Variants in CERKL observed in about 807,000 individuals in gnomAD.
CERKL encodes CERK like autophagy regulator.
In CERKL, 61 loss-of-function variants were observed where a neutral mutation model predicts 63.4. That is an observed-to-expected ratio of 0.96 (90% CI 0.78 to 1.19). The LOEUF (loss-of-function observed/expected upper bound fraction) is 1.19. Among genes scored for constraint, CERKL ranks in the 50% most tolerant of loss-of-function variants. CERKL has a pLI of 0.00. For missense variants in CERKL, 675 were observed against 655.5 expected, an observed-to-expected ratio of 1.03 and a Z score of -0.33; for synonymous variants, 250 against 230.5, an observed-to-expected ratio of 1.08 and a Z score of -0.77.
At chr2:181,584,230 G>T (rs972805949) in intron 2 of CERKL, among the ~76,000 whole-genome samples, 12 of 152,034 alleles carry the variant, frequency 7.9e-5, no homozygotes, top group African/African-American at 2.9e-4. Flanking sequence ...CCGCCATATT[G>T]GCCAGGCATG....
At chr2:181,623,704 G>C (rs959982486) in intron 1 of CERKL, among the ~76,000 whole-genome samples, 1 of 152,062 alleles carries the variant, frequency 6.6e-6, no homozygotes, top group Non-Finnish European at 1.5e-5. Flanking sequence ...TACGGGTCTA[G>C]AATCTCTCAT....
intron 1 of CERKL, among the ~76,000 whole-genome samples, chr2:181,643,352 A>G (rs1687529047): frequency 1.3e-5 from 2 of 152,194 alleles, no homozygotes; most frequent in Non-Finnish European, 1.5e-5. Flanking sequence ...TTGAGACAAG[A>G]TCTTAGGGCC....
At chr2:181,566,217 G>C in intron 3 of CERKL, 96 bp from the exon 4 acceptor site, 1 of 886,674 alleles carries the variant, frequency 1.1e-6, no homozygotes, top group Non-Finnish European at 1.9e-6. Flanking sequence ...ATAAACATAT[G>C]GTCAAGTCAT....
At chr2:181,650,153 GGAAGGAAGGAAA>G (rs1427700825) in intron 1 of CERKL, 9 of 133,796 alleles carry the variant, frequency 6.7e-5, no homozygotes, top group African/African-American at 2.0e-4. Context: ...AAGGAAGGAA[GGAAGGAAGGAAA>G]GAAGGAAGGA....
In CERKL at chr2:181,657,104, C is replaced by T; in HGVS notation, c.-98G>A. On this transcript the variant is annotated 5_prime_UTR_variant, in exon 1 of 13. Transcript: ENST00000410087. ...GCCCCAGCTCTAGCCGCGTCCAGCGCTGCCACAGCAACGGCGCGCAGGGCA... is the reference window on the plus strand; with the variant it reads ...GCCCCAGCTCTAGCCGCGTCCAGCGTTGCCACAGCAACGGCGCGCAGGGCA... 1 of 1,167,058 alleles carries T rather than the reference C, an allele frequency of 8.6e-7. No homozygotes were observed. The highest frequency in any genetic ancestry group is 1.2e-6 in the Non-Finnish European group (1 of 802,396). 72.3% of individuals were successfully genotyped at this position (1,167,058 alleles called of 1,614,324 possible).
chr2:181,549,658 T>A lies in CERKL; in HGVS notation c.871A>T (p.Thr291Ser). 1 of 1,612,214 alleles carries A rather than the reference T, an allele frequency of 6.2e-7. No individual in the cohort carries two copies. Among genetic ancestry groups the A allele is most frequent in the South Asian group, 1.1e-5 (1 of 91,042 alleles). Residue 291 changes from threonine (T) to serine (S), a missense_variant, in exon 6 of 13, where the codon ACT becomes TCT. Physicochemically the swap from Thr to Ser is moderately conservative, Grantham distance 58. Coordinates refer to ENST00000410087, the MANE Select transcript of CERKL (RefSeq NM_201548.5). ...HSLHGVPHVI[T>S]ATLHIIMGHV... ...CCCATTATAATGTGCAATGTTGCAG[T>A]TATCACATGAGGAACTCCATGAAGA...
At chr2:181,640,095 T>A (rs142934850) in intron 1 of CERKL, among the ~76,000 whole-genome samples, 1 of 152,236 alleles carries the variant, frequency 6.6e-6, no homozygotes, top group East Asian at 1.9e-4. Context: ...TGGTAACTAT[T>A]TTTGGTGCCT....
chr2:181,614,538 AT>A (rs1488220390), intron 1 of CERKL, among the ~76,000 whole-genome samples: 8 of 152,120 alleles, frequency 5.3e-5, no homozygotes, highest in Non-Finnish European at 4.4e-5. Context: ...TGTTTATAAA[AT>A]TTTACTTATA....
intron 1 of CERKL, among the ~76,000 whole-genome samples, chr2:181,643,939 C>T (rs988853271): frequency 3.3e-5 from 5 of 152,206 alleles, no homozygotes; most frequent in East Asian, 1.9e-4. Context: ...CTGCTTTAAT[C>T]GAACATTTCA....
chr2:181,625,435 T>C (rs1275076375), intron 1 of CERKL, among the ~76,000 whole-genome samples: 1 of 152,136 alleles, frequency 6.6e-6, no homozygotes, highest in African/African-American at 2.4e-5. Flanking sequence ...ACAATAGTTC[T>C]ATAAGGTAGA....
chr2:181,552,875 A>G (rs563059032), intron 5 of CERKL, among the ~76,000 whole-genome samples: 27 of 58,034 alleles, frequency 4.7e-4, no homozygotes, highest in South Asian at 1.4e-3. Flanking sequence ...TAAAAAATAT[A>G]TTATTTTTAA....
At chr2:181,586,658 T>C (rs546292495) in intron 2 of CERKL, among the ~76,000 whole-genome samples, 124 of 152,294 alleles carry the variant, frequency 8.1e-4, no homozygotes, top group African/African-American at 2.8e-3. Context: ...GAACCAGCAA[T>C]GTAAAACAGA....
intron 1 of CERKL, among the ~76,000 whole-genome samples, chr2:181,639,793 G>A (rs1687342203): frequency 6.6e-6 from 1 of 152,158 alleles, no homozygotes; most frequent in South Asian, 2.1e-4. Flanking sequence ...GGGCCCTAGG[G>A]ATAAAAATTC....
At chr2:181,619,544 C>T (rs1190206415) in intron 1 of CERKL, among the ~76,000 whole-genome samples, 2 of 152,194 alleles carry the variant, frequency 1.3e-5, no homozygotes, top group Non-Finnish European at 2.9e-5. Context: ...ATGCTTCAAA[C>T]ACAGGCTAGG....
At position 181,631,538 on chromosome 2, in the gene CERKL, A is replaced by G. The variant is rs116197637; in HGVS notation, c.238+25231T>C. ...CCCCCATGCTAATGCTGCTTTTTGCACCTTACACCCCTCCACAGCACCCCC... is the reference window on the plus strand; with the variant it reads ...CCCCCATGCTAATGCTGCTTTTTGCGCCTTACACCCCTCCACAGCACCCCC... On this transcript the variant is annotated intron_variant, in intron 1 of 12. Coordinates refer to ENST00000410087, the MANE Select transcript of CERKL (RefSeq NM_201548.5). Among the ~76,000 whole-genome samples, 355 of 149,958 alleles carry G rather than the reference A, an allele frequency of 2.4e-3. 1 individual carries two copies. Among genetic ancestry groups the G allele is most frequent in the African/African-American group, 8.5e-3 (345 of 40,526 alleles).
intron 5 of CERKL, among the ~76,000 whole-genome samples, chr2:181,555,068 T>C (rs1036704486): frequency 6.6e-6 from 1 of 152,156 alleles, no homozygotes; most frequent in African/African-American, 2.4e-5. Flanking sequence ...TTCAAAATTA[T>C]AATAGTGATA....
At chr2:181,582,549 TGA>T in intron 2 of CERKL, among the ~76,000 whole-genome samples, 1 of 149,664 alleles carries the variant, frequency 6.7e-6, no homozygotes, top group African/African-American at 2.5e-5. Context: ...TTTTTTTTTT[TGA>T]GATGGAGTCT....
At position 181,618,185 on chromosome 2, in the gene CERKL, T is replaced by TA. The variant is rs555511197; in HGVS notation, c.239-14107dup. Among the ~76,000 whole-genome samples the TA allele has an allele frequency of 7.7e-3, 1,168 of 152,086 alleles. 10 individuals are homozygous for TA. Among genetic ancestry groups the TA allele is most frequent in the South Asian group, 0.02 (98 of 4,820 alleles). On this transcript the variant is annotated intron_variant, in intron 1 of 12. Transcript: ENST00000410087. Reference sequence around the variant, plus strand: ...GCAACGTATGTTATTTGGGTGAAGATACACTAAATTCTCAGACTTCACCAC... The same window carrying TA: ...GCAACGTATGTTATTTGGGTGAAGATAACACTAAATTCTCAGACTTCACCAC...
intron 5 of CERKL, among the ~76,000 whole-genome samples, chr2:181,557,433 G>A (rs4666788): frequency 0.1 from 15,234 of 152,108 alleles, 1,035 homozygotes; most frequent in East Asian, 0.26. Flanking sequence ...TGTAAGGAAG[G>A]GATCCTGTTT....
Sources: allele counts gnomAD v4.1 joint callset (sites outside exome capture counted in the v4.1 genomes callset), GRCh38; gene constraint gnomAD v4.1.1; transcripts MANE v1.5; gene names NCBI Gene and HGNC (gene_info 2026-07-23, HGNC 2026-07-21).